SLFN13: variants seen among roughly 807,000 people sequenced by gnomAD.
The protein encoded by SLFN13 is schlafen family member 13.
A neutral mutation model predicts 50.6 loss-of-function variants in SLFN13; 43 were observed. That is an observed-to-expected ratio of 0.85 (90% CI 0.67 to 1.09). SLFN13 has a LOEUF of 1.09. SLFN13 is among the 50% of genes least tolerant of loss of function. The pLI, the probability that SLFN13 is intolerant of heterozygous loss-of-function variation, is 0.00. For synonymous variants in SLFN13, 339 were observed against 386.5 expected (o/e 0.88, Z 1.44); for missense variants, 881 against 1,071.1 (o/e 0.82, Z 2.48).
In SLFN13 at chr17:35,439,615, T is replaced by A. The variant is rs977357973; in HGVS notation, c.*980A>T. On this transcript the variant is annotated 3_prime_UTR_variant, in exon 6 of 6. Coordinates refer to ENST00000285013, the MANE Select transcript of SLFN13 (RefSeq NM_144682.6). ...GCTTCAGCCTCCCAAGTAGCTGGGA[T>A]ACAGGCATGCACCACCATGCCCTGC... 2.6e-5 allele frequency: 4 copies of A among 152,136 alleles called. No homozygotes were observed. Among genetic ancestry groups the A allele is most frequent in the African/African-American group, 9.7e-5 (4 of 41,424 alleles). The allele number at this position is 152,136 out of a possible 1,614,324, so 9.4% of individuals were successfully genotyped here. A position where few individuals can be genotyped will look rare whatever the true frequency, so the allele number is the denominator to read the frequency against.
chr17:35,447,833 G>A (rs1419641516), intron 1 of SLFN13, among the ~76,000 whole-genome samples: 1 of 151,912 alleles, frequency 6.6e-6, no homozygotes, highest in Non-Finnish European at 1.5e-5. Context: ...TCAGGATAAT[G>A]GGTACAGGGT....
rs116756555 is a variant in SLFN13, at chr17:35,441,239, C to T, written c.2050G>A (p.Ala684Thr). The change falls in exon 6 of 6, where the codon GCA becomes ACA. Residue 684 changes from alanine to threonine, a missense_variant. By Grantham distance (58) the Ala-to-Thr change is moderately conservative. Coordinates refer to ENST00000285013, the MANE Select transcript of SLFN13 (RefSeq NM_144682.6). The stretch of plus-strand genomic sequence containing the variant: ...TTTTCTCTCTGAGTGATGGTTTTTG[C>T]CTTCCTATACCAGTCCCCATCTTCA... Reference protein sequence around the residue: ...RTEDGDWYRKAKTITQREKDC... With the variant: ...RTEDGDWYRKTKTITQREKDC... 6.2e-7 allele frequency: 1 copy of T among 1,613,922 alleles called. No individual in the cohort carries two copies. Among genetic ancestry groups the T allele is most frequent in the African/African-American group, 1.3e-5 (1 of 74,888 alleles).
rs1289934616 is a variant in SLFN13 at position 35,441,126 on chromosome 17, C to T, written c.2163G>A (p.Gln721=). ...CTCTGGTGAGCTCTTCTCTTGGATA[C>T]TGTGCTGAGAGAGGGGGAAGGCCAC... ...GHSGLPPLSA[Q]YPREELTRVV... The change falls in exon 6 of 6, where the codon CAG becomes CAA. Residue 721 remains glutamine, a synonymous_variant. Transcript: ENST00000285013. 1.3e-5 allele frequency: 21 copies of T among 1,614,076 alleles called. No individual in the cohort carries two copies. Among genetic ancestry groups the T allele is most frequent in the Admixed American group, 3.3e-5 (2 of 60,022 alleles).
chr17:35,447,608 C>T (rs1913280855), intron 1 of SLFN13, among the ~76,000 whole-genome samples, 194 bp from the exon 2 acceptor site: 1 of 152,186 alleles, frequency 6.6e-6, no homozygotes, highest in Non-Finnish European at 1.5e-5. Flanking sequence ...CACAAATCCT[C>T]CCATCCACTC....
At chr17:35,441,393 G>A in intron 5 of SLFN13, 27 bp from the exon 6 acceptor site, 1 of 1,578,340 alleles carries the variant, frequency 6.3e-7, no homozygotes, top group Non-Finnish European at 8.6e-7. Context: ...AATACACTCA[G>A]GTTTTCTCTA....
Position 35,444,954 on chromosome 17 carries a change from C to T in SLFN13, c.727G>A (p.Gly243Ser). The change falls in exon 3 of 6, where the codon GGC becomes AGC. Residue 243 changes from glycine (G) to serine (S), a missense_variant. By Grantham distance (56) the Gly-to-Ser change is moderately conservative. Coordinates refer to ENST00000285013, the MANE Select transcript of SLFN13 (RefSeq NM_144682.6). Reference sequence around the variant, plus strand: ...TCATCCACTCCAATAAAAAGATAGCCTCCCTCAGTGTTTGCAAATGCAGAG... The same window carrying T: ...TCATCCACTCCAATAAAAAGATAGCTTCCCTCAGTGTTTGCAAATGCAGAG... ...YISAFANTEG[G>S]YLFIGVDDKS... 6.2e-7 allele frequency: 1 copy of T among 1,614,190 alleles called. No individual in the cohort carries two copies.
chr17:35,445,720 T>C, intron 2 of SLFN13, 27 bp from the exon 3 acceptor site: 1 of 1,500,874 alleles, frequency 6.7e-7, no homozygotes, highest in Non-Finnish European at 8.9e-7. Context: ...ATTTGTTTCA[T>C]TTTTGATTAA....
At position 35,441,286 on chromosome 17, in the gene SLFN13, T is replaced by C. The variant is rs777627605; in HGVS notation, c.2003A>G (p.Asp668Gly). Residue 668 changes from aspartate to glycine, a missense_variant, in exon 6 of 6, where the codon GAC becomes GGC. Transcript: ENST00000285013. Reference protein sequence around the residue: ...KFEHIQHIVIDEAQNFRTEDG... With the variant: ...KFEHIQHIVIGEAQNFRTEDG... ...TTCAGTACGGAAATTCTGAGCTTCG[T>C]CAATGACGATGTGTTGAATGTGTTC... 1.9e-6 allele frequency: 3 copies of C among 1,613,878 alleles called. No homozygotes were observed. Among genetic ancestry groups the C allele is most frequent in the African/African-American group, 1.3e-5 (1 of 74,902 alleles).
Position 35,435,471 on chromosome 17 carries a change from C to G in SLFN13, c.*5124G>C, listed in dbSNP as rs958182426. 2.0e-5 allele frequency: 3 copies of G among 151,906 alleles called. No homozygotes were observed. Among genetic ancestry groups the G allele is most frequent in the Non-Finnish European group, 4.4e-5 (3 of 67,990 alleles). 9.4% of individuals were successfully genotyped at this position (151,906 alleles called of 1,614,324 possible). The stretch of plus-strand genomic sequence containing the variant: ...TCATTTTATTTTATTTTTTGTAGAG[C>G]CAGGATCTTGCTATGTTGCCAAGGC... On this transcript the variant is annotated 3_prime_UTR_variant, in exon 6 of 6. Transcript: ENST00000285013.
intron 4 of SLFN13, among the ~76,000 whole-genome samples, chr17:35,443,161 A>C (rs1329567425): frequency 6.6e-6 from 1 of 152,192 alleles, no homozygotes; most frequent in Non-Finnish European, 1.5e-5. Flanking sequence ...TGTAAGTAGG[A>C]ACTCCGAGAA....
At position 35,437,654 on chromosome 17, in the gene SLFN13, G is replaced by A. The variant is rs1279212311; in HGVS notation, c.*2941C>T. 7.2e-5 allele frequency: 11 copies of A among 152,048 alleles called. No individual in the cohort carries two copies. Among genetic ancestry groups the A allele is most frequent in the Admixed American group, 7.2e-4 (11 of 15,270 alleles). The allele number at this position is 152,048 out of a possible 1,614,324, so 9.4% of individuals were successfully genotyped here. A position where few individuals can be genotyped will look rare whatever the true frequency, so the allele number is the denominator to read the frequency against. On this transcript the variant is annotated 3_prime_UTR_variant, in exon 6 of 6. Coordinates refer to ENST00000285013, the MANE Select transcript of SLFN13 (RefSeq NM_144682.6). Reference sequence around the variant, plus strand: ...TTGGTACAGCACTCCATAGCAAGAAGTGGCAGGAGACTACAAGGACAGATC... The same window carrying A: ...TTGGTACAGCACTCCATAGCAAGAAATGGCAGGAGACTACAAGGACAGATC...
rs1207045001 is a variant in SLFN13, at chr17:35,437,737, A to T, written c.*2858T>A. 1 of 152,138 alleles carries T rather than the reference A, an allele frequency of 6.6e-6. No homozygotes were observed. The highest frequency in any genetic ancestry group is 1.9e-4 in the East Asian group (1 of 5,200). 9.4% of individuals were successfully genotyped at this position (152,138 alleles called of 1,614,324 possible). ...AAGGAAATAAGCTAGGTTTAAAAAA[A>T]TTTTAAAAAGGAGGGCACTAAGTGG... On this transcript the variant is annotated 3_prime_UTR_variant, in exon 6 of 6. Transcript: ENST00000285013.
intron 1 of SLFN13, among the ~76,000 whole-genome samples, 183 bp downstream of exon 1, chr17:35,448,538 CA>C (rs1283171292): frequency 1.3e-5 from 2 of 152,242 alleles, no homozygotes; most frequent in Non-Finnish European, 2.9e-5. Flanking sequence ...ACCCCAAAGG[CA>C]GGGGAGAAGC....
chr17:35,436,753 C>T lies in SLFN13; in HGVS notation c.*3842G>A, dbSNP rs1451339854. 1 of 152,068 alleles carries T rather than the reference C, an allele frequency of 6.6e-6. No individual in the cohort carries two copies. Among genetic ancestry groups the T allele is most frequent in the Non-Finnish European group, 1.5e-5 (1 of 68,002 alleles). 9.4% of individuals were successfully genotyped at this position (152,068 alleles called of 1,614,324 possible). Reference sequence around the variant, plus strand: ...ATACTCTGCAAAATAATAGGCCAGTCCTCTTCAATAGTGTCAAAGATATGA... The same window carrying T: ...ATACTCTGCAAAATAATAGGCCAGTTCTCTTCAATAGTGTCAAAGATATGA... On this transcript the variant is annotated 3_prime_UTR_variant, in exon 6 of 6. Transcript: ENST00000285013.
chr17:35,445,204 T>C lies in SLFN13; in HGVS notation c.477A>G (p.Arg159=), dbSNP rs778401155. The C allele has an allele frequency of 1.2e-6, 2 of 1,613,826 alleles. No homozygotes were observed. The highest frequency in any genetic ancestry group is 1.7e-6 in the Non-Finnish European group (2 of 1,179,994). The change falls in exon 3 of 6, where the codon AGA becomes AGG. Residue 159 remains arginine, a synonymous_variant. Transcript: ENST00000285013. ...QAFDFLKTKE[R]QSKYNLINEG... ...CATTAATCAGATTATATTTGGACTG[T>C]CTTTCCTTGGTCTTCAGGAAATCGA...
Position 35,445,283 on chromosome 17 carries a change from G to C in SLFN13, c.398C>G (p.Ser133Ter), listed in dbSNP as rs753566634. ...AGAGGTGCCAGATCTACAGTATAAT[G>C]AAGAACTAAGGCTGCAAATGCGGGA... Reference protein sequence around the residue: ...FNSRICSLSSSLYCRSGTSVL... With the variant: ...FNSRICSLSS The change falls in exon 3 of 6, where the codon TCA becomes TGA. Residue 133 changes from serine to a stop codon, truncating the protein, a stop_gained. Coordinates refer to ENST00000285013, the MANE Select transcript of SLFN13 (RefSeq NM_144682.6). LOFTEE classifies it high-confidence loss of function. 9.3e-6 allele frequency: 15 copies of C among 1,613,914 alleles called. No homozygotes were observed. In the South Asian group the frequency reaches 1.5e-4, roughly 17 times the overall value.
In SLFN13 at chr17:35,440,271, T is replaced by C. The variant is rs1327716995; in HGVS notation, c.*324A>G. On this transcript the variant is annotated 3_prime_UTR_variant, in exon 6 of 6. Coordinates refer to ENST00000285013, the MANE Select transcript of SLFN13 (RefSeq NM_144682.6). The stretch of plus-strand genomic sequence containing the variant: ...TGGAAGAAAGGCCACAGGCTGAGTT[T>C]CTTATTTTTATGGCTTTTACCCAGA... The C allele has an allele frequency of 3.7e-6, 1 of 267,490 alleles. No homozygotes were observed. The highest frequency in any genetic ancestry group is 7.0e-6 in the Non-Finnish European group (1 of 142,108). 16.6% of individuals were successfully genotyped at this position (267,490 alleles called of 1,614,324 possible).
Position 35,445,650 on chromosome 17 carries a change from A to G in SLFN13, c.31T>C (p.Tyr11His). The G allele has an allele frequency of 6.2e-7, 1 of 1,613,564 alleles. No individual in the cohort carries two copies. Among genetic ancestry groups the G allele is most frequent in the Non-Finnish European group, 8.5e-7 (1 of 1,179,646 alleles). ...ATGACCAGGTCTGGGTAAGATGGAT[A>G]CACACCCAGGGAGCAGTGATTTGCC... The part of the protein sequence containing the change: MEANHCSLGV[Y>H]PSYPDLVIDV... The change falls in exon 3 of 6, where the codon TAT (tyrosine) becomes CAT (histidine). Residue 11 changes from tyrosine to histidine, a missense_variant. This residue lies in a region of SLFN13 where 497 missense variants were observed against 518.3 expected (regional missense o/e 0.96). Coordinates refer to ENST00000285013, the MANE Select transcript of SLFN13 (RefSeq NM_144682.6).
chr17:35,438,041 G>A lies in SLFN13; in HGVS notation c.*2554C>T, dbSNP rs967814361. ...GATCACTTGAGCCCAGGAGTTCAGGGCTCTAGTGAACTATGATCACACCAC... is the reference window on the plus strand; with the variant it reads ...GATCACTTGAGCCCAGGAGTTCAGGACTCTAGTGAACTATGATCACACCAC... On this transcript the variant is annotated 3_prime_UTR_variant, in exon 6 of 6. Coordinates refer to ENST00000285013, the MANE Select transcript of SLFN13 (RefSeq NM_144682.6). The A allele has an allele frequency of 1.3e-5, 2 of 151,196 alleles. No homozygotes were observed. The highest frequency in any genetic ancestry group is 4.2e-4 in the South Asian group (2 of 4,788). 9.4% of individuals were successfully genotyped at this position (151,196 alleles called of 1,614,324 possible). A position where few individuals can be genotyped will look rare whatever the true frequency, so the allele number is the denominator to read the frequency against.
Sources: allele counts gnomAD v4.1 joint callset (sites outside exome capture counted in the v4.1 genomes callset), GRCh38; gene constraint gnomAD v4.1.1; regional missense constraint gnomAD v4.1.1; transcripts MANE v1.5; gene names NCBI Gene and HGNC (gene_info 2026-07-23, HGNC 2026-07-21).